The following CSMD1 variants were observed in gnomAD, a reference collection of about 807,000 sequenced individuals.
The protein encoded by CSMD1 is CUB and sushi domain-containing protein 1.
Under a neutral mutation model 417.5 loss-of-function variants are expected in CSMD1, and 213 were observed. The ratio of observed to expected loss-of-function variants is 0.51; its 90% confidence interval spans 0.46 to 0.57. The LOEUF is 0.57. Ranked by LOEUF, CSMD1 falls within the 20% of genes least tolerant of loss-of-function variation. The pLI is 0.00. For synonymous variants in CSMD1, 2,862 were observed against 1,736.8 expected, an observed-to-expected ratio of 1.65 and a Z score of -16.11; for missense variants, 6,923 against 4,529.7, an observed-to-expected ratio of 1.53 and a Z score of -15.17.
intron 3 of CSMD1, among the ~76,000 whole-genome samples, chr8:4,171,129 G>A (rs1286060470): frequency 6.6e-6 from 1 of 151,928 alleles, no homozygotes; most frequent in East Asian, 1.9e-4. Flanking sequence ...CAAAGGTGAG[G>A]TATCCATGCT....
intron 3 of CSMD1, among the ~76,000 whole-genome samples, chr8:4,039,087 G>C (rs1416647155): frequency 2.0e-5 from 3 of 152,076 alleles, no homozygotes; most frequent in African/African-American, 4.8e-5. Context: ...TACTACATGG[G>C]ACAAGGCTAT....
chr8:4,479,515 T>A (rs1485475609), intron 2 of CSMD1, among the ~76,000 whole-genome samples: 2 of 152,224 alleles, frequency 1.3e-5, no homozygotes, highest in Non-Finnish European at 2.9e-5. Flanking sequence ...CATAAATACC[T>A]TTGCCTCTTA....
intron 3 of CSMD1, among the ~76,000 whole-genome samples, chr8:4,167,406 T>G (rs1189875347): frequency 6.6e-6 from 1 of 152,108 alleles, no homozygotes; most frequent in African/African-American, 2.4e-5. Flanking sequence ...TAGGCTAAAG[T>G]GTTCATGTAA....
At chr8:3,259,252 A>C (rs1456946404) in intron 26 of CSMD1, among the ~76,000 whole-genome samples, 1 of 152,248 alleles carries the variant, frequency 6.6e-6, no homozygotes. Context: ...ACCTGATTAC[A>C]GAATGGAAGA....
At chr8:4,226,505 C>A (rs1379841590) in intron 3 of CSMD1, among the ~76,000 whole-genome samples, 1 of 152,020 alleles carries the variant, frequency 6.6e-6, no homozygotes, top group East Asian at 1.9e-4. Context: ...AGTAACAGAA[C>A]CTATAATGAG....
intron 1 of CSMD1, among the ~76,000 whole-genome samples, chr8:4,831,348 T>A (rs547757133): frequency 6.6e-6 from 1 of 152,192 alleles, no homozygotes; most frequent in African/African-American, 2.4e-5. Context: ...CAATACCTTA[T>A]AATTAACATC....
chr8:4,103,967 C>T (rs752608242), intron 3 of CSMD1, among the ~76,000 whole-genome samples: 2 of 152,206 alleles, frequency 1.3e-5, no homozygotes, highest in Non-Finnish European at 2.9e-5. Flanking sequence ...GCTGCAGACG[C>T]GTGAGCTCCT....
At chr8:4,497,777 G>A (rs1323916456) in intron 2 of CSMD1, among the ~76,000 whole-genome samples, 1 of 152,216 alleles carries the variant, frequency 6.6e-6, no homozygotes, top group African/African-American at 2.4e-5. Flanking sequence ...TATGTGTAAG[G>A]TCTGAAGCTT....
At chr8:4,457,827 G>C (rs12675246) in intron 2 of CSMD1, among the ~76,000 whole-genome samples, 16,687 of 152,110 alleles carry the variant, frequency 0.11, 1,004 homozygotes, top group Middle Eastern at 0.14. Flanking sequence ...CACCCTTGCA[G>C]ACAGCTTTGC....
intron 3 of CSMD1, among the ~76,000 whole-genome samples, chr8:4,360,133 G>A (rs916695534): frequency 5.9e-5 from 9 of 152,266 alleles, no homozygotes; most frequent in African/African-American, 2.2e-4. Flanking sequence ...AGGTTTGGCT[G>A]TGAGGATGAT....
intron 5 of CSMD1, among the ~76,000 whole-genome samples, chr8:3,897,821 CTTT>C (rs1311340522): frequency 6.6e-6 from 1 of 152,160 alleles, no homozygotes; most frequent in Admixed American, 6.5e-5. Context: ...TCATCTCCAT[CTTT>C]TTTCTCATTA....
At chr8:3,676,684 T>G (rs376336143) in intron 7 of CSMD1, among the ~76,000 whole-genome samples, 1 of 152,260 alleles carries the variant, frequency 6.6e-6, no homozygotes, top group East Asian at 1.9e-4. Flanking sequence ...TTCCATATCT[T>G]AAAGATGACT....
chr8:4,660,883 A>G (rs1444822354), intron 1 of CSMD1, among the ~76,000 whole-genome samples: 3 of 152,196 alleles, frequency 2.0e-5, no homozygotes, highest in Admixed American at 6.5e-5. Flanking sequence ...AACATTAGCT[A>G]TTAGGGAAAT....
At chr8:4,073,053 G>C (rs1488236659) in intron 3 of CSMD1, among the ~76,000 whole-genome samples, 4 of 152,174 alleles carry the variant, frequency 2.6e-5, no homozygotes, top group Admixed American at 1.3e-4. Context: ...GTAGATGATA[G>C]TCAATATTCA....
At chr8:4,127,229 G>A (rs942505110) in intron 3 of CSMD1, among the ~76,000 whole-genome samples, 12 of 152,032 alleles carry the variant, frequency 7.9e-5, no homozygotes, top group Middle Eastern at 6.8e-3. Context: ...CAAACCCATG[G>A]CCTTACGGAA....
At chr8:3,767,992 C>G (rs947907159) in intron 5 of CSMD1, among the ~76,000 whole-genome samples, 2 of 152,130 alleles carry the variant, frequency 1.3e-5, no homozygotes, top group Admixed American at 1.3e-4. Context: ...TTTCATATGT[C>G]TTTGCAGTTC....
intron 7 of CSMD1, among the ~76,000 whole-genome samples, chr8:3,634,311 A>T (rs1796927355): frequency 6.6e-6 from 1 of 152,210 alleles, no homozygotes; most frequent in South Asian, 2.1e-4. Context: ...GACTAAGGTC[A>T]GCAATGTGGG....
At chr8:3,869,843 A>G (rs1805360815) in intron 5 of CSMD1, among the ~76,000 whole-genome samples, 1 of 151,878 alleles carries the variant, frequency 6.6e-6, no homozygotes, top group African/African-American at 2.4e-5. Flanking sequence ...ATCACATTCC[A>G]TGCTTTTATG....
chr8:3,436,284 T>C (rs568390000), intron 12 of CSMD1, among the ~76,000 whole-genome samples: 17 of 152,288 alleles, frequency 1.1e-4, no homozygotes, highest in East Asian at 9.6e-4. Flanking sequence ...GTAAGATACA[T>C]CCCATATCAG....
Sources: gnomAD v4.1 joint callset for allele counts (sites outside exome capture counted in the v4.1 genomes callset) on GRCh38, gnomAD v4.1.1 for gene constraint, MANE v1.5 for transcripts, NCBI Gene and HGNC (gene_info 2026-07-23, HGNC 2026-07-21) for gene names.